The following PDZRN3 variants were observed in gnomAD, a reference collection of about 807,000 sequenced individuals.
PDZRN3 encodes E3 ubiquitin-protein ligase PDZRN3.
Under a neutral mutation model 85.7 loss-of-function variants are expected in PDZRN3, and 38 were observed. That is an observed-to-expected ratio of 0.44 (90% confidence interval 0.34 to 0.58). The LOEUF (loss-of-function observed/expected upper bound fraction) is 0.58, where lower values mean the gene tolerates loss of function less well. Ranked by LOEUF, PDZRN3 falls within the 20% of genes least tolerant of loss-of-function variation. PDZRN3 has a pLI of 0.01. For synonymous variants in PDZRN3, 759 were observed against 638.0 expected (o/e 1.19, Z -2.86); for missense variants, 1,629 against 1,506.4 (o/e 1.08, Z -1.35).
At chr3:73,540,087 G>GAAAAAAAAAAAAAAA (rs1168662549) in intron 3 of PDZRN3, among the ~76,000 whole-genome samples, 1 of 50,004 alleles carries the variant, frequency 2.0e-5, no homozygotes, top group Non-Finnish European at 3.6e-5. Context: ...ACTGTTGGAT[G>GAAAAAAAAAAAAAAA]AAAAAAAAAA....
intron 3 of PDZRN3, among the ~76,000 whole-genome samples, chr3:73,424,800 C>A (rs1702278525): frequency 6.6e-6 from 1 of 152,072 alleles, no homozygotes; most frequent in Non-Finnish European, 1.5e-5. Context: ...ACTTCATAGT[C>A]AGGGTGAAGC....
intron 3 of PDZRN3, among the ~76,000 whole-genome samples, chr3:73,419,522 C>G (rs184989330): frequency 1.3e-5 from 2 of 152,144 alleles, no homozygotes; most frequent in Admixed American, 1.3e-4. Context: ...ACCAGGAGAA[C>G]GCGGTGTTTT....
At chr3:73,445,686 TAAC>T (rs1702732982) in intron 3 of PDZRN3, among the ~76,000 whole-genome samples, 1 of 152,204 alleles carries the variant, frequency 6.6e-6, no homozygotes, top group East Asian at 1.9e-4. Context: ...TGAGAAAATA[TAAC>T]AACTCAATAC....
At chr3:73,463,963 G>A (rs920318588) in intron 3 of PDZRN3, among the ~76,000 whole-genome samples, 2 of 151,908 alleles carry the variant, frequency 1.3e-5, no homozygotes, top group African/African-American at 4.8e-5. Context: ...AAAAAAAAGT[G>A]CTATGTATTC....
intron 3 of PDZRN3, among the ~76,000 whole-genome samples, chr3:73,532,542 T>C (rs1704683555): frequency 6.6e-6 from 1 of 152,198 alleles, no homozygotes; most frequent in East Asian, 1.9e-4. Flanking sequence ...ACACTCACTG[T>C]GATATTGTTA....
chr3:73,521,989 A>T (rs1226695259), intron 3 of PDZRN3, among the ~76,000 whole-genome samples: 1 of 152,206 alleles, frequency 6.6e-6, no homozygotes, highest in Non-Finnish European at 1.5e-5. Context: ...CTGTTTCTGT[A>T]AGGCTTATAA....
rs545473651 is a variant in PDZRN3 at position 73,624,926 on chromosome 3, T to C, written c.-101A>G. On this transcript the variant is annotated 5_prime_UTR_variant, in exon 1 of 10. Transcript: ENST00000263666. ...CCGGCTACGCCGCCCGCGCGCTCGC[T>C]GGCTCTCCCCGGACTGAGCCTAATT... The C allele has an allele frequency of 3.3e-6, 3 of 917,864 alleles. No homozygotes were observed. The highest frequency in any genetic ancestry group is 3.5e-5 in the East Asian group (1 of 28,382). The allele number at this position is 917,864 out of a possible 1,614,324, so 56.9% of individuals were successfully genotyped here.
At chr3:73,433,719 C>T in intron 3 of PDZRN3, 11 of 1,536,012 alleles carry the variant, frequency 7.2e-6, no homozygotes, top group East Asian at 2.4e-5. Flanking sequence ...TTTAGAAAAA[C>T]GTCAAAGGAA....
intron 3 of PDZRN3, among the ~76,000 whole-genome samples, chr3:73,493,847 C>T (rs1422909428): frequency 6.6e-6 from 1 of 152,158 alleles, no homozygotes; most frequent in Non-Finnish European, 1.5e-5. Flanking sequence ...TTTAAGCAAC[C>T]ACTGGGATTG....
chr3:73,597,890 C>T (rs370114384), intron 3 of PDZRN3, among the ~76,000 whole-genome samples: 1 of 151,858 alleles, frequency 6.6e-6, no homozygotes, highest in Non-Finnish European at 1.5e-5. Flanking sequence ...CAGAACAATC[C>T]AAAAACTCCA....
chr3:73,608,719 C>T, intron 1 of PDZRN3, 35 bp from the exon 2 acceptor site: 1 of 1,310,696 alleles, frequency 7.6e-7, no homozygotes. Context: ...CTTTTATTTA[C>T]CAACAGGGAA....
intron 3 of PDZRN3, among the ~76,000 whole-genome samples, chr3:73,515,394 T>A (rs944156384): frequency 2.6e-5 from 4 of 152,118 alleles, no homozygotes; most frequent in Non-Finnish European, 5.9e-5. Flanking sequence ...GCCAGGATGG[T>A]CTCGATCTCC....
chr3:73,542,169 C>T (rs1004594605), intron 3 of PDZRN3, among the ~76,000 whole-genome samples: 1 of 152,186 alleles, frequency 6.6e-6, no homozygotes, highest in Non-Finnish European at 1.5e-5. Context: ...GAAATTCCCA[C>T]TTTGATGGCT....
intron 3 of PDZRN3, among the ~76,000 whole-genome samples, chr3:73,551,189 T>C (rs1269037440): frequency 6.6e-6 from 1 of 152,188 alleles, no homozygotes; most frequent in Non-Finnish European, 1.5e-5. Context: ...TGTGGCTTAT[T>C]AAGAAAATGT....
chr3:73,445,450 A>G (rs1702727892), intron 3 of PDZRN3, among the ~76,000 whole-genome samples: 1 of 152,162 alleles, frequency 6.6e-6, no homozygotes, highest in Non-Finnish European at 1.5e-5. Flanking sequence ...GAGAAAAACA[A>G]AACAAAACAA....
Position 73,384,244 on chromosome 3 carries a change from G to T in PDZRN3, c.2322C>A (p.Ser774=). The T allele has an allele frequency of 6.2e-7, 1 of 1,613,508 alleles. No homozygotes were observed. Among genetic ancestry groups the T allele is most frequent in the Non-Finnish European group, 8.5e-7 (1 of 1,179,940 alleles). The change falls in exon 10 of 10, where the codon TCC becomes TCA. Residue 774 remains serine, a synonymous_variant. Transcript: ENST00000263666. ...CCGCTCTCCTCAAGGAGTTGTCGGG[G>T]GAGATCTCCAGGGTGAGCGGGGTGC... The part of the protein sequence containing the change: ...CRSTPLTLEI[S]PDNSLRRAAE...
Position 73,481,243 on chromosome 3 carries a change from G to T in PDZRN3, c.919-76848C>A, listed in dbSNP as rs549335633. Among the ~76,000 whole-genome samples the T allele has an allele frequency of 2.6e-5, 4 of 152,308 alleles. No homozygotes were observed. In the East Asian group the frequency reaches 7.7e-4, roughly 29 times the overall value. ...TAAATGGGTCACAGTGCTCAGCCAG[G>T]AGTTTATCACTTCAGAGACTAAACT... On this transcript the variant is annotated intron_variant, in intron 3 of 9. Coordinates refer to ENST00000263666, the MANE Select transcript of PDZRN3 (RefSeq NM_015009.3).
chr3:73,573,224 G>A (rs1382353810), intron 3 of PDZRN3, among the ~76,000 whole-genome samples: 1 of 152,190 alleles, frequency 6.6e-6, no homozygotes, highest in Non-Finnish European at 1.5e-5. Flanking sequence ...AAGATCTCCA[G>A]GGCCTTCAGT....
chr3:73,551,789 C>G (rs1279833053), intron 3 of PDZRN3, among the ~76,000 whole-genome samples: 1 of 151,808 alleles, frequency 6.6e-6, no homozygotes, highest in Non-Finnish European at 1.5e-5. Context: ...GCTAAAGGGT[C>G]ATATTTTTGA....
Sources: gnomAD v4.1 joint callset for allele counts (sites outside exome capture counted in the v4.1 genomes callset) on GRCh38, gnomAD v4.1.1 for gene constraint, MANE v1.5 for transcripts, NCBI Gene and HGNC (gene_info 2026-07-23, HGNC 2026-07-21) for gene names.